The following GABRB3 variants were observed in gnomAD, a reference collection of about 807,000 sequenced individuals.
The protein encoded by GABRB3 is gamma-aminobutyric acid receptor subunit beta-3.
Under a neutral mutation model 52.1 loss-of-function variants are expected in GABRB3, and 14 were observed. The observed-to-expected ratio is 0.27, with a 90% CI of 0.18 to 0.42. GABRB3 has a LOEUF of 0.42. Among genes scored for constraint, GABRB3 ranks in the 10% least tolerant of loss-of-function variants. The pLI, the probability that GABRB3 is intolerant of heterozygous loss-of-function variation, is 1.00. For synonymous variants in GABRB3, 260 were observed against 232.3 expected (o/e 1.12, Z -1.08); for missense variants, 307 against 609.1 (o/e 0.50, Z 5.22).
At chr15:26,732,571 A>T (rs1332049808) in intron 3 of GABRB3, among the ~76,000 whole-genome samples, 3 of 147,812 alleles carry the variant, frequency 2.0e-5, no homozygotes, top group Non-Finnish European at 3.0e-5. Flanking sequence ...TCCCAAAAAA[A>T]TTTTTTTTTT....
At chr15:26,591,568 C>G (rs766899044) in intron 4 of GABRB3, among the ~76,000 whole-genome samples, 43 of 152,220 alleles carry the variant, frequency 2.8e-4, no homozygotes, top group African/African-American at 9.4e-4. Context: ...CAAGCCAGAA[C>G]GAAAGGGGTA....
chr15:26,579,508 C>A (rs1890711852), intron 6 of GABRB3, among the ~76,000 whole-genome samples: 1 of 152,246 alleles, frequency 6.6e-6, no homozygotes, highest in East Asian at 1.9e-4. Flanking sequence ...GTTGTCATCA[C>A]AGGACTGGGG....
intron 7 of GABRB3, 31 bp downstream of exon 7, chr15:26,567,550 C>T: frequency 1.2e-6 from 2 of 1,605,802 alleles, no homozygotes; most frequent in Non-Finnish European, 1.7e-6. Context: ...GGTTACTTTA[C>T]ATTTAAATAT....
chr15:26,605,123 AAAGAAGACATTC>A (rs1313811868), intron 4 of GABRB3, among the ~76,000 whole-genome samples: 7 of 152,350 alleles, frequency 4.6e-5, no homozygotes, highest in African/African-American at 1.4e-4. Flanking sequence ...ACATTTCTCA[AAAGAAGACATTC>A]AAATGGCAAA....
chr15:26,701,885 G>A (rs1424816058), intron 3 of GABRB3, among the ~76,000 whole-genome samples: 1 of 152,168 alleles, frequency 6.6e-6, no homozygotes, highest in African/African-American at 2.4e-5. Flanking sequence ...ACTATACATG[G>A]AGAGATCAAT....
chr15:26,696,660 A>C (rs1345293346), intron 3 of GABRB3, among the ~76,000 whole-genome samples: 1 of 152,210 alleles, frequency 6.6e-6, no homozygotes, highest in African/African-American at 2.4e-5. Context: ...TCAGGGTCCC[A>C]GGCAATCTGA....
intron 4 of GABRB3, among the ~76,000 whole-genome samples, chr15:26,606,768 C>CGATAGATAGATAGA (rs768804640): frequency 1.1e-5 from 1 of 89,752 alleles, no homozygotes; most frequent in East Asian, 2.5e-4. Context: ...ATCTGTCTAT[C>CGATAGATAGATAGA]TATAGATAGA....
intron 4 of GABRB3, among the ~76,000 whole-genome samples, chr15:26,583,736 A>G (rs1890872088): frequency 6.6e-6 from 1 of 151,958 alleles, no homozygotes; most frequent in Non-Finnish European, 1.5e-5. Flanking sequence ...TACACTGTGA[A>G]ATAGTTAAAT....
chr15:26,682,329 T>A (rs1378133085), intron 3 of GABRB3, among the ~76,000 whole-genome samples: 1 of 152,170 alleles, frequency 6.6e-6, no homozygotes, highest in Non-Finnish European at 1.5e-5. Flanking sequence ...ACTGTTATAC[T>A]GAAGGAAAAT....
intron 3 of GABRB3, among the ~76,000 whole-genome samples, chr15:26,643,485 T>G (rs1893267241): frequency 6.6e-6 from 1 of 152,194 alleles, no homozygotes; most frequent in South Asian, 2.1e-4. Flanking sequence ...AGTTTTCAAC[T>G]TCAGGCAGGA....
chr15:26,667,858 G>A (rs1008479992), intron 3 of GABRB3, among the ~76,000 whole-genome samples: 1 of 152,064 alleles, frequency 6.6e-6, no homozygotes, highest in African/African-American at 2.4e-5. Context: ...GAGAACCTTG[G>A]GTCTGCAAAT....
chr15:26,767,931 T>C (rs1045269997), intron 3 of GABRB3, among the ~76,000 whole-genome samples: 2 of 152,202 alleles, frequency 1.3e-5, no homozygotes, highest in African/African-American at 4.8e-5. Context: ...GGTATGACTG[T>C]ATCCATTTAG....
chr15:26,573,656 TAA>T (rs970144722), intron 6 of GABRB3, among the ~76,000 whole-genome samples: 4 of 152,146 alleles, frequency 2.6e-5, no homozygotes, highest in Non-Finnish European at 5.9e-5. Context: ...TCATAAAAAT[TAA>T]AAACAGTTAT....
At chr15:26,754,337 CAG>C (rs1190459014) in intron 3 of GABRB3, among the ~76,000 whole-genome samples, 1 of 152,116 alleles carries the variant, frequency 6.6e-6, no homozygotes, top group Non-Finnish European at 1.5e-5. Context: ...GAGACAGAGA[CAG>C]AGACAGAGAG....
chr15:26,676,576 TA>T (rs1888076654), intron 3 of GABRB3, among the ~76,000 whole-genome samples: 1 of 152,218 alleles, frequency 6.6e-6, no homozygotes, highest in South Asian at 2.1e-4. Flanking sequence ...AAATGGCTCT[TA>T]AGTTCAAGCT....
intron 3 of GABRB3, among the ~76,000 whole-genome samples, chr15:26,686,238 C>T (rs1566805397): frequency 6.6e-6 from 1 of 152,182 alleles, no homozygotes; most frequent in Admixed American, 6.5e-5. Flanking sequence ...AGCCACTGCA[C>T]CCAGCTCTAA....
chr15:26,661,330 T>C (rs1887535651), intron 3 of GABRB3, among the ~76,000 whole-genome samples: 2 of 152,050 alleles, frequency 1.3e-5, no homozygotes, highest in South Asian at 2.1e-4. Context: ...ACAAAGCACA[T>C]GTACACGCAC....
intron 3 of GABRB3, among the ~76,000 whole-genome samples, chr15:26,703,096 T>G (rs1011710557): frequency 2.6e-5 from 4 of 152,226 alleles, no homozygotes; most frequent in African/African-American, 9.6e-5. Context: ...CATCAGGATC[T>G]AATCACCTCC....
intron 3 of GABRB3, among the ~76,000 whole-genome samples, chr15:26,709,029 A>G (rs1283469506): frequency 6.6e-6 from 1 of 152,256 alleles, no homozygotes; most frequent in East Asian, 1.9e-4. Flanking sequence ...CTAAAAGATC[A>G]TATGGATATA....
Sources: gnomAD v4.1 joint callset for allele counts (sites outside exome capture counted in the v4.1 genomes callset) on GRCh38, gnomAD v4.1.1 for gene constraint, MANE v1.5 for transcripts, NCBI Gene and HGNC (gene_info 2026-07-23, HGNC 2026-07-21) for gene names.